The following MEI4 variants were observed in gnomAD, a reference collection of about 807,000 sequenced individuals.
The protein encoded by MEI4 is meiotic double-stranded break formation protein 4.
A neutral mutation model predicts 31.4 loss-of-function variants in MEI4; 27 were observed. The observed-to-expected ratio is 0.86, with a 90% CI of 0.63 to 1.19. The LOEUF (loss-of-function observed/expected upper bound fraction) is 1.19, where lower values mean the gene tolerates loss of function less well. Among genes scored for constraint, MEI4 ranks in the 50% most tolerant of loss-of-function variants. The pLI, the probability that MEI4 is intolerant of heterozygous loss-of-function variation, is 0.00. For synonymous variants in MEI4, 122 were observed against 145.4 expected (o/e 0.84, Z 1.16); for missense variants, 329 against 398.9 (o/e 0.82, Z 1.49).
intron 4 of MEI4, among the ~76,000 whole-genome samples, chr6:77,907,397 T>C (rs963045867): frequency 6.6e-5 from 10 of 152,170 alleles, no homozygotes; most frequent in African/African-American, 2.2e-4. Flanking sequence ...GTTTGGTTTT[T>C]TGTCCTTGTG....
chr6:77,712,385 A>C (rs1474427966), intron 2 of MEI4, among the ~76,000 whole-genome samples: 1 of 152,104 alleles, frequency 6.6e-6, no homozygotes, highest in Non-Finnish European at 1.5e-5. Context: ...TTTTTTCCCC[A>C]ACTAATGAGG....
intron 2 of MEI4, among the ~76,000 whole-genome samples, chr6:77,749,768 A>G (rs1217866238): frequency 1.3e-5 from 2 of 152,178 alleles, no homozygotes; most frequent in Non-Finnish European, 1.5e-5. Flanking sequence ...AATACAGAGA[A>G]CACCACAAAG....
At chr6:77,706,830 T>C (rs779889449) in intron 2 of MEI4, among the ~76,000 whole-genome samples, 5 of 152,176 alleles carry the variant, frequency 3.3e-5, no homozygotes, top group Admixed American at 6.5e-5. Context: ...GCCATGATTA[T>C]AAGCTTCCTG....
At chr6:77,841,370 G>A (rs1253751974) in intron 4 of MEI4, among the ~76,000 whole-genome samples, 19 of 81,520 alleles carry the variant, frequency 2.3e-4, no homozygotes, top group African/African-American at 1.1e-3. Flanking sequence ...ATGGAGTTTT[G>A]CGCTTGTCGC....
intron 4 of MEI4, among the ~76,000 whole-genome samples, chr6:77,838,928 A>G (rs1024035645): frequency 6.6e-6 from 1 of 152,080 alleles, no homozygotes; most frequent in Non-Finnish European, 1.5e-5. Flanking sequence ...CAACTACCTG[A>G]GAACCCTGAA....
chr6:77,795,784 A>G (rs1388405670), intron 3 of MEI4, among the ~76,000 whole-genome samples: 4 of 151,194 alleles, frequency 2.6e-5, no homozygotes, highest in Non-Finnish European at 4.4e-5. Flanking sequence ...AAAAACTCCC[A>G]ACAAATAAAA....
intron 1 of MEI4, among the ~76,000 whole-genome samples, chr6:77,669,691 C>T (rs776765493): frequency 3.9e-5 from 6 of 152,144 alleles, no homozygotes; most frequent in African/African-American, 7.2e-5. Flanking sequence ...GTGTCTGTAT[C>T]GTAATAGCTA....
intron 3 of MEI4, among the ~76,000 whole-genome samples, chr6:77,794,502 G>T (rs1399638728): frequency 2.0e-5 from 3 of 152,156 alleles, no homozygotes; most frequent in African/African-American, 4.8e-5. Context: ...GGCAGAGCTT[G>T]CAGTGAGCCG....
In MEI4 at chr6:77,735,572, G is replaced by A. The variant is rs1265162354; in HGVS notation, c.233-25558G>A. Among the ~76,000 whole-genome samples the A allele has an allele frequency of 5.9e-5, 9 of 151,974 alleles. No individual in the cohort carries two copies. The South Asian group carries it at 1.2e-3, about 21-fold the overall frequency. On this transcript the variant is annotated intron_variant, in intron 2 of 4. Coordinates refer to ENST00000684080, the MANE Select transcript of MEI4 (RefSeq NM_001322247.2). ...CAAAGTTTTCAACTTCTTTGCCTTCGGTTTGAATGTCCTCCCGTAGCTCGG... is the reference window on the plus strand; with the variant it reads ...CAAAGTTTTCAACTTCTTTGCCTTCAGTTTGAATGTCCTCCCGTAGCTCGG...
intron 1 of MEI4, among the ~76,000 whole-genome samples, chr6:77,665,181 A>AAAT (rs1167330217): frequency 6.6e-5 from 10 of 151,926 alleles, no homozygotes; most frequent in East Asian, 3.9e-4. Flanking sequence ...CGAGGCACGG[A>AAAT]AAGGGGTCGA....
At chr6:77,844,894 A>G (rs1396741982) in intron 4 of MEI4, among the ~76,000 whole-genome samples, 2 of 152,188 alleles carry the variant, frequency 1.3e-5, no homozygotes, top group Non-Finnish European at 2.9e-5. Flanking sequence ...AAGGGATAAG[A>G]CAATCTCTAT....
At chr6:77,871,851 T>A (rs1771201443) in intron 4 of MEI4, among the ~76,000 whole-genome samples, 1 of 152,144 alleles carries the variant, frequency 6.6e-6, no homozygotes, top group African/African-American at 2.4e-5. Context: ...GACATAGATG[T>A]ACAAGGACAC....
intron 2 of MEI4, among the ~76,000 whole-genome samples, chr6:77,698,887 G>A (rs553500680): frequency 1.3e-5 from 2 of 151,966 alleles, no homozygotes; most frequent in African/African-American, 2.4e-5. Flanking sequence ...CCATTCTCCC[G>A]GTCACTTTCA....
At chr6:77,695,179 G>A (rs974624958) in intron 2 of MEI4, among the ~76,000 whole-genome samples, 2 of 152,064 alleles carry the variant, frequency 1.3e-5, no homozygotes, top group African/African-American at 2.4e-5. Flanking sequence ...TGTCAGATGA[G>A]TAGGTTGCAA....
rs962382194 is a variant in MEI4 at position 77,748,826 on chromosome 6, G to A, written c.233-12304G>A. 6.6e-5 allele frequency among the ~76,000 whole-genome samples: 10 copies of A among 152,266 alleles called. No individual in the cohort carries two copies. In the South Asian group the frequency reaches 2.1e-3, roughly 32 times the overall value. On this transcript the variant is annotated intron_variant, in intron 2 of 4. Transcript: ENST00000684080. ...AGATTTTCTAAGTCATCTCTTTGAA[G>A]TTCAAAGTTCCCAGTAGGGGCCGAC...
chr6:77,857,186 T>C (rs1028821754), intron 4 of MEI4, among the ~76,000 whole-genome samples: 4 of 152,204 alleles, frequency 2.6e-5, no homozygotes, highest in African/African-American at 7.2e-5. Flanking sequence ...CCTGGATAGT[T>C]GTATTTCAGT....
intron 1 of MEI4, among the ~76,000 whole-genome samples, chr6:77,658,298 A>G (rs969511626): frequency 2.0e-5 from 3 of 152,104 alleles, no homozygotes; most frequent in Non-Finnish European, 4.4e-5. Flanking sequence ...TGATCAGTTC[A>G]TTGATCAGTT....
chr6:77,855,343 TAA>T (rs879898671), intron 4 of MEI4, among the ~76,000 whole-genome samples: 4 of 142,648 alleles, frequency 2.8e-5, no homozygotes, highest in Non-Finnish European at 1.5e-5. Flanking sequence ...AGACTCCATC[TAA>T]AAAAAAAAAA....
At chr6:77,789,598 A>G (rs1190752531) in intron 3 of MEI4, among the ~76,000 whole-genome samples, 3 of 152,242 alleles carry the variant, frequency 2.0e-5, no homozygotes, top group Admixed American at 6.5e-5. Flanking sequence ...GGTGAAGGAC[A>G]TGAACAGACA....
Sources: gnomAD v4.1 joint callset for allele counts (sites outside exome capture counted in the v4.1 genomes callset) on GRCh38, gnomAD v4.1.1 for gene constraint, MANE v1.5 for transcripts, NCBI Gene and HGNC (gene_info 2026-07-23, HGNC 2026-07-21) for gene names.